The following PTK2 variants were observed in gnomAD, a reference collection of about 807,000 sequenced individuals.
The protein encoded by PTK2 is focal adhesion kinase 1.
Under a neutral mutation model 150.1 loss-of-function variants are expected in PTK2, and 45 were observed. That is an observed-to-expected ratio of 0.30 (90% CI 0.24 to 0.38). The LOEUF (loss-of-function observed/expected upper bound fraction) is 0.38. PTK2 is among the 10% of genes least tolerant of loss of function. The probability of loss-of-function intolerance (pLI) is 1.00; values close to 1 mark genes in which losing one functional copy is unlikely to be tolerated. For missense variants in PTK2, 919 were observed against 1,307.3 expected, an observed-to-expected ratio of 0.70 and a Z score of 4.58; for synonymous variants, 432 against 449.2, an observed-to-expected ratio of 0.96 and a Z score of 0.48.
At chr8:140,876,906 T>A (rs776749237) in intron 4 of PTK2, among the ~76,000 whole-genome samples, 1 of 152,158 alleles carries the variant, frequency 6.6e-6, no homozygotes, top group Non-Finnish European at 1.5e-5. Context: ...CCTCCCCTTT[T>A]AAATATACAG....
intron 1 of PTK2, among the ~76,000 whole-genome samples, chr8:140,931,369 C>G (rs1248023181): frequency 6.6e-6 from 1 of 152,076 alleles, no homozygotes; most frequent in Non-Finnish European, 1.5e-5. Context: ...TATCTTCAGC[C>G]TAGGCAACAA....
At chr8:140,732,552 T>C (rs763716627) in intron 22 of PTK2, 5 of 528,718 alleles carry the variant, frequency 9.5e-6, no homozygotes, top group African/African-American at 3.9e-5. Flanking sequence ...GCCTGGAGGT[T>C]TGGGCAACAC....
chr8:140,758,985 T>C (rs553049787), intron 16 of PTK2, among the ~76,000 whole-genome samples: 76 of 152,334 alleles, frequency 5.0e-4, no homozygotes, highest in Admixed American at 1.7e-3. Context: ...TACAGTAACA[T>C]GCCATACACG....
Position 140,744,277 on chromosome 8 carries a change from A to G in PTK2, c.1634+375T>C, listed in dbSNP as rs968688283. ...TGTTGTCCTGGAGAGTTCCAGGACA[A>G]TATTTGTTTTAGAGACCACTTCCAC... On this transcript the variant is annotated intron_variant, in intron 19 of 31. Transcript: ENST00000522684. Among the ~76,000 whole-genome samples, 54 of 152,108 alleles carry G rather than the reference A, an allele frequency of 3.6e-4. 1 individual carries two copies. The highest frequency in any genetic ancestry group is 1.3e-4 in the Non-Finnish European group (9 of 68,004).
chr8:140,974,695 G>A (rs2154609746), intron 1 of PTK2, among the ~76,000 whole-genome samples: 1 of 152,248 alleles, frequency 6.6e-6, no homozygotes, highest in South Asian at 2.1e-4. Context: ...CTAACAAAAA[G>A]TGATTCCTCC....
In PTK2 at chr8:140,808,464, C is replaced by T. The variant is rs182997546; in HGVS notation, c.868-4814G>A. ...CCTCTTATTTCATAGGCACAGAGGT[C>T]CTTATAAACTCAAAAGGAAAACATA... is the stretch of plus-strand genomic sequence containing the variant. On this transcript the variant is annotated intron_variant, in intron 10 of 31. Transcript: ENST00000522684. 7.8e-3 allele frequency among the ~76,000 whole-genome samples: 1,182 copies of T among 152,226 alleles called. 8 individuals are homozygous for T. The highest frequency in any genetic ancestry group is 0.014 in the Middle Eastern group (4 of 294).
chr8:140,756,386 C>G (rs995490682), intron 16 of PTK2, among the ~76,000 whole-genome samples: 6 of 151,240 alleles, frequency 4.0e-5, no homozygotes, highest in African/African-American at 1.5e-4. Flanking sequence ...GGAATTCATT[C>G]AACAAACATT....
intron 16 of PTK2, among the ~76,000 whole-genome samples, chr8:140,756,052 T>C (rs916794815): frequency 2.0e-5 from 3 of 152,068 alleles, no homozygotes; most frequent in Non-Finnish European, 2.9e-5. Flanking sequence ...AGGCCGGGCA[T>C]GGTGGCTCAC....
intron 27 of PTK2, among the ~76,000 whole-genome samples, chr8:140,685,523 A>G (rs1302666344): frequency 6.6e-6 from 1 of 152,254 alleles, no homozygotes; most frequent in African/African-American, 2.4e-5. Flanking sequence ...ATCTATAAGG[A>G]ACTTAAAGCA....
At chr8:140,740,545 T>A (rs936476563) in intron 20 of PTK2, among the ~76,000 whole-genome samples, 7 of 152,342 alleles carry the variant, frequency 4.6e-5, no homozygotes, top group Admixed American at 4.6e-4. Flanking sequence ...TTGGAGTTTG[T>A]ACTTATTTCT....
chr8:140,800,398 G>A (rs2100094292), intron 12 of PTK2, 61 bp downstream of exon 12: 1 of 1,325,874 alleles, frequency 7.5e-7, no homozygotes, highest in South Asian at 1.2e-5. Context: ...GCTGTTAGGG[G>A]CAAGCACAGC....
intron 22 of PTK2, among the ~76,000 whole-genome samples, chr8:140,722,299 G>A (rs772740876): frequency 1.3e-5 from 2 of 152,094 alleles, no homozygotes; most frequent in African/African-American, 4.8e-5. Flanking sequence ...TTTTGAGACA[G>A]GGTCTAACTC....
intron 16 of PTK2, among the ~76,000 whole-genome samples, chr8:140,759,771 A>G (rs2100068261): frequency 1.3e-5 from 2 of 151,900 alleles, no homozygotes; most frequent in Non-Finnish European, 2.9e-5. Context: ...TGAGTTCAGA[A>G]AGTCGAGGCC....
At chr8:140,896,828 A>C (rs2100156524) in intron 2 of PTK2, among the ~76,000 whole-genome samples, 1 of 151,670 alleles carries the variant, frequency 6.6e-6, no homozygotes, top group South Asian at 2.1e-4. Context: ...TTGGGAAAGA[A>C]CAAACAAAAC....
At chr8:140,910,285 C>T (rs1218802450) in intron 2 of PTK2, among the ~76,000 whole-genome samples, 1 of 151,998 alleles carries the variant, frequency 6.6e-6, no homozygotes, top group Non-Finnish European at 1.5e-5. Context: ...CAGAACATCT[C>T]CCTCCCTGGT....
At chr8:140,893,276 A>G (rs1462076887) in intron 2 of PTK2, among the ~76,000 whole-genome samples, 3 of 152,122 alleles carry the variant, frequency 2.0e-5, no homozygotes, top group African/African-American at 7.2e-5. Flanking sequence ...ATGCCATTGT[A>G]CTCCAGCTTG....
chr8:140,751,654 G>A (rs2100062757), intron 17 of PTK2, among the ~76,000 whole-genome samples: 1 of 152,030 alleles, frequency 6.6e-6, no homozygotes, highest in Non-Finnish European at 1.5e-5. Context: ...ACTATGCACG[G>A]CTAATTTTTT....
rs537131174 is a variant in PTK2, at chr8:140,868,855, C to T, written c.363-4456G>A. Among the ~76,000 whole-genome samples the T allele has an allele frequency of 5.9e-5, 9 of 152,136 alleles. No homozygotes were observed. In the South Asian group the frequency reaches 1.9e-3, roughly 32 times the overall value. On this transcript the variant is annotated intron_variant, in intron 4 of 31. Coordinates refer to ENST00000522684, the Ensembl canonical transcript of PTK2. ...CGTAATGTGGTATTCTGAATTGATC[C>T]TCAACCAGAAAAGGAACGGTAAGTG...
intron 7 of PTK2, among the ~76,000 whole-genome samples, chr8:140,836,751 G>A (rs2100118885): frequency 6.6e-6 from 1 of 152,040 alleles, no homozygotes; most frequent in South Asian, 2.1e-4. Flanking sequence ...AATGTGTGGG[G>A]AATACATTCC....
Sources: gnomAD v4.1 joint callset for allele counts (sites outside exome capture counted in the v4.1 genomes callset) on GRCh38, gnomAD v4.1.1 for gene constraint, MANE v1.5 for transcripts, NCBI Gene and HGNC (gene_info 2026-07-23, HGNC 2026-07-21) for gene names.